RPS6KC1: variants seen among roughly 807,000 people sequenced by gnomAD.
RPS6KC1 encodes the protein inactive ribosomal protein S6 kinase delta-1.
RPS6KC1 carries 54 observed loss-of-function variants against 103.8 expected under a neutral mutation model. The observed-to-expected ratio is 0.52, with a 90% CI of 0.42 to 0.65. The LOEUF (loss-of-function observed/expected upper bound fraction) is 0.65, where lower values mean the gene tolerates loss of function less well. Ranked by LOEUF, RPS6KC1 falls within the 30% of genes least tolerant of loss-of-function variation. The probability of loss-of-function intolerance (pLI) is 0.00; values close to 1 mark genes in which losing one functional copy is unlikely to be tolerated. For synonymous variants in RPS6KC1, 439 were observed against 438.7 expected (o/e 1.00, Z -0.01); for missense variants, 1,151 against 1,253.8 (o/e 0.92, Z 1.24).
the RPS6KC1 span, among the ~76,000 whole-genome samples, chr1:213,719,388 G>A: frequency 1.3e-5 from 2 of 152,104 alleles, no homozygotes; most frequent in Admixed American, 6.5e-5. Flanking sequence ...GCCGATGCCC[G>A]CCATTTAGAA....
intron 6 of RPS6KC1, among the ~76,000 whole-genome samples, chr1:213,160,292 A>G (rs2090336252): frequency 6.6e-6 from 1 of 152,232 alleles, no homozygotes; most frequent in African/African-American, 2.4e-5. Flanking sequence ...AAACAATAAA[A>G]AGATAGCTTT....
downstream of RPS6KC1, among the ~76,000 whole-genome samples, chr1:213,276,040 A>T (rs2095111867): frequency 6.6e-6 from 1 of 152,204 alleles, no homozygotes; most frequent in Non-Finnish European, 1.5e-5. Context: ...GTCAGTGTGA[A>T]CCAAGATTGA....
chr1:213,722,150 C>CTATG, the RPS6KC1 span, among the ~76,000 whole-genome samples: 1 of 152,120 alleles, frequency 6.6e-6, no homozygotes, highest in Non-Finnish European at 1.5e-5. Context: ...GTGGTACCCT[C>CTATG]TAACTCACCA....
chr1:213,272,512 G>T lies in RPS6KC1; in HGVS notation c.3091-12G>T. 1 of 1,606,178 alleles carries T rather than the reference G, an allele frequency of 6.2e-7. No homozygotes were observed. The highest frequency in any genetic ancestry group is 8.5e-7 in the Non-Finnish European group (1 of 1,172,844). On this transcript the variant is annotated splice_polypyrimidine_tract_variant and intron_variant, in intron 14 of 14. Coordinates refer to ENST00000366960, the MANE Select transcript of RPS6KC1 (RefSeq NM_012424.6). ...TGGATTCCTGTTACTCACTAAGTCC[G>T]TCTTTTTTTAGCTCTTGCAGTTCAA...
At chr1:213,556,344 A>C in the RPS6KC1 span, among the ~76,000 whole-genome samples, 11 of 152,254 alleles carry the variant, frequency 7.2e-5, no homozygotes, top group Non-Finnish European at 1.5e-4. Flanking sequence ...CTTTTAAAGA[A>C]GAATGGAAAG....
In RPS6KC1 at chr1:213,051,460, A is replaced by G; in HGVS notation, c.56A>G (p.Glu19Gly). 1 of 1,613,810 alleles carries G rather than the reference A, an allele frequency of 6.2e-7. No individual in the cohort carries two copies. Among genetic ancestry groups the G allele is most frequent in the Non-Finnish European group, 8.5e-7 (1 of 1,179,914 alleles). Residue 19 changes from glutamate (E) to glycine (G), a missense_variant, in exon 1 of 15, where the codon GAG (glutamate) becomes GGG (glycine). This residue lies in a region of RPS6KC1 where 959 missense variants were observed against 1,006.3 expected (regional missense o/e 0.95). Transcript: ENST00000366960. ...ADLARFYTVT[E>G]PQRHPRGYTV... ...CTGGCCCGTTTCTACACTGTCACCG[A>G]GCCCCAGCGACACCCGAGGGGCTAC...
At chr1:213,323,635 G>A in the RPS6KC1 span, among the ~76,000 whole-genome samples, 21 of 152,262 alleles carry the variant, frequency 1.4e-4, no homozygotes, top group South Asian at 1.2e-3. Flanking sequence ...CTATTGCCCC[G>A]TTATAAATTC....
At chr1:213,388,611 C>A in the RPS6KC1 span, among the ~76,000 whole-genome samples, 1 of 152,232 alleles carries the variant, frequency 6.6e-6, no homozygotes, top group Non-Finnish European at 1.5e-5. Flanking sequence ...CTTTTCAGGG[C>A]AGCCCCATCT....
the RPS6KC1 span, among the ~76,000 whole-genome samples, chr1:213,608,913 T>C: frequency 6.6e-6 from 1 of 152,222 alleles, no homozygotes; most frequent in Non-Finnish European, 1.5e-5. Flanking sequence ...TATTTCTTGG[T>C]TGTTTAGCAT....
chr1:213,746,839 A>T, the RPS6KC1 span, among the ~76,000 whole-genome samples: 17 of 152,152 alleles, frequency 1.1e-4, no homozygotes, highest in African/African-American at 4.1e-4. Context: ...AGCAATTGAA[A>T]GAGCTGAGAT....
intron 11 of RPS6KC1, 83 bp downstream of exon 11, chr1:213,242,380 A>G (rs1228562359): frequency 3.4e-6 from 5 of 1,472,302 alleles, no homozygotes; most frequent in Non-Finnish European, 4.7e-6. Flanking sequence ...TGTAATTAGT[A>G]TCTTCATTTC....
At chr1:213,068,913 G>GTGTGTGTA (rs1245462521) in intron 1 of RPS6KC1, among the ~76,000 whole-genome samples, 20 of 145,518 alleles carry the variant, frequency 1.4e-4, no homozygotes, top group African/African-American at 4.4e-4. Context: ...GTGTGTGTGT[G>GTGTGTGTA]TATGCCGACT....
chr1:213,133,844 G>A (rs931540070), intron 6 of RPS6KC1, among the ~76,000 whole-genome samples: 6 of 152,176 alleles, frequency 3.9e-5, no homozygotes, highest in African/African-American at 1.4e-4. Context: ...TATTTTCTTC[G>A]TATTGTGCTA....
At chr1:213,604,210 T>C in the RPS6KC1 span, among the ~76,000 whole-genome samples, 23 of 152,122 alleles carry the variant, frequency 1.5e-4, no homozygotes, top group Middle Eastern at 3.2e-3. Flanking sequence ...TTGTCTGCCA[T>C]TTCTAACTAT....
intron 5 of RPS6KC1, among the ~76,000 whole-genome samples, chr1:213,124,273 A>G (rs1217246681): frequency 6.6e-6 from 1 of 152,114 alleles, no homozygotes; most frequent in Non-Finnish European, 1.5e-5. Flanking sequence ...TGAAGGATGC[A>G]CCTTTTACTC....
At chr1:213,789,539 A>G in the RPS6KC1 span, among the ~76,000 whole-genome samples, 29 of 152,302 alleles carry the variant, frequency 1.9e-4, no homozygotes, top group Admixed American at 7.8e-4. Context: ...CCATGTGAGC[A>G]CATAGCCCAT....
At chr1:213,585,287 C>T in the RPS6KC1 span, among the ~76,000 whole-genome samples, 460 of 152,316 alleles carry the variant, frequency 3.0e-3, 3 homozygotes, top group African/African-American at 0.011. Flanking sequence ...GGTGAATCCT[C>T]ATCACACAGA....
the RPS6KC1 span, among the ~76,000 whole-genome samples, chr1:213,410,859 A>C: frequency 2.0e-5 from 3 of 152,034 alleles, no homozygotes; most frequent in African/African-American, 7.2e-5. Flanking sequence ...GAGGAAAAGA[A>C]TAAGAGACTG....
the RPS6KC1 span, among the ~76,000 whole-genome samples, chr1:213,824,454 G>C: frequency 2.0e-5 from 3 of 152,106 alleles, no homozygotes; most frequent in Non-Finnish European, 4.4e-5. Flanking sequence ...TAAAGCAAAA[G>C]GCTCTCTGAA....
Sources: gnomAD v4.1 joint callset for allele counts (sites outside exome capture counted in the v4.1 genomes callset) on GRCh38, gnomAD v4.1.1 for gene constraint, gnomAD v4.1.1 regional missense constraint, MANE v1.5 for transcripts, NCBI Gene and HGNC (gene_info 2026-07-23, HGNC 2026-07-21) for gene names.